Variants in CYTH3 observed in about 807,000 individuals in gnomAD.
The protein encoded by CYTH3 is cytohesin-3.
A neutral mutation model predicts 55.1 loss-of-function variants in CYTH3; 23 were observed. That is an observed-to-expected ratio of 0.42 (90% confidence interval 0.30 to 0.59). The LOEUF (loss-of-function observed/expected upper bound fraction) is 0.59, where lower values mean the gene tolerates loss of function less well. CYTH3 is among the 20% of genes least tolerant of loss of function. CYTH3 has a pLI of 0.20. For missense variants in CYTH3, 413 were observed against 524.8 expected (o/e 0.79, Z 2.08); for synonymous variants, 249 against 194.9 (o/e 1.28, Z -2.31).
At chr7:6,239,490 T>G (rs555078129) in intron 1 of CYTH3, among the ~76,000 whole-genome samples, 5 of 152,102 alleles carry the variant, frequency 3.3e-5, no homozygotes, top group Non-Finnish European at 4.4e-5. Flanking sequence ...AGGGTCCAAG[T>G]GAACATTTTC....
chr7:6,229,794 G>T (rs1276698917), intron 1 of CYTH3, among the ~76,000 whole-genome samples: 2 of 150,680 alleles, frequency 1.3e-5, no homozygotes, highest in African/African-American at 4.9e-5. Context: ...TCCAGCCTGG[G>T]CAACAGAAAG....
rs889959772 is a variant in CYTH3, at chr7:6,227,469, TTAAAC to T, written c.35-36943_35-36939del. On this transcript the variant is annotated intron_variant, in intron 1 of 12. Coordinates refer to ENST00000350796, the MANE Select transcript of CYTH3 (RefSeq NM_004227.4). ...GCCCTTCCTGATTTAAAAAAAATCA[TTAAAC>T]TAAGAATAGAAGATGTCTTAACCTA... Among the ~76,000 whole-genome samples, 7 of 152,220 alleles carry T rather than the reference TTAAAC, an allele frequency of 4.6e-5. No individual in the cohort carries two copies. In the South Asian group the frequency reaches 1.0e-3, roughly 23 times the overall value.
chr7:6,254,401 G>C (rs1488829915), intron 1 of CYTH3, among the ~76,000 whole-genome samples: 1 of 152,236 alleles, frequency 6.6e-6, no homozygotes, highest in African/African-American at 2.4e-5. Flanking sequence ...TTATGTAGGA[G>C]AATGTCCTTA....
chr7:6,259,772 T>TATATAAAATATATATATATAA (rs1491219669), intron 1 of CYTH3, among the ~76,000 whole-genome samples: 1 of 30,496 alleles, frequency 3.3e-5, no homozygotes, highest in South Asian at 1.0e-3. Flanking sequence ...TATATATATA[T>TATATAAAATATATATATATAA]TATATATATA....
At chr7:6,270,316 G>A (rs941619715) in intron 1 of CYTH3, among the ~76,000 whole-genome samples, 1 of 152,176 alleles carries the variant, frequency 6.6e-6, no homozygotes, top group African/African-American at 2.4e-5. Context: ...GAGAAAGCTA[G>A]TCATAAACTA....
chr7:6,259,818 A>AT (rs1411240528), intron 1 of CYTH3, among the ~76,000 whole-genome samples: 2 of 25,880 alleles, frequency 7.7e-5, no homozygotes, highest in African/African-American at 4.2e-4. Context: ...TATATAATAT[A>AT]TATATATATA....
rs572188587 is a variant in CYTH3, at chr7:6,189,381, T to C, written c.117+1068A>G. On this transcript the variant is annotated intron_variant, in intron 2 of 12. Coordinates refer to ENST00000350796, the MANE Select transcript of CYTH3 (RefSeq NM_004227.4). ...CGCAGTACACTGGCACAATCACAGT[T>C]CACTGTAGCCTCAGCTTCTTGGGCT... Among the ~76,000 whole-genome samples the C allele has an allele frequency of 4.2e-3, 646 of 152,250 alleles. 14 individuals carry two copies. Among genetic ancestry groups the C allele is most frequent in the Non-Finnish European group, 2.2e-3 (153 of 68,028 alleles).
chr7:6,177,795 T>G lies in CYTH3; in HGVS notation c.368+28A>C, dbSNP rs369925349. 8.3e-6 allele frequency: 13 copies of G among 1,561,006 alleles called. No homozygotes were observed. In the African/African-American group the frequency reaches 1.4e-4, roughly 16 times the overall value. ...AGCTGCAGGGCTGAGTGGCCCCAGG[T>G]AGGGCTTTGCATCCTCCTCTAACTC... is the stretch of plus-strand genomic sequence containing the variant. On this transcript the variant is annotated intron_variant, in intron 5 of 12. Coordinates refer to ENST00000350796, the MANE Select transcript of CYTH3 (RefSeq NM_004227.4).
At chr7:6,267,703 T>C (rs1780536919) in intron 1 of CYTH3, among the ~76,000 whole-genome samples, 1 of 152,204 alleles carries the variant, frequency 6.6e-6, no homozygotes, top group Non-Finnish European at 1.5e-5. Context: ...TTTGTATTTT[T>C]AGTAGAGACG....
chr7:6,187,607 G>A (rs781462301), intron 3 of CYTH3, 50 bp downstream of exon 3: 6 of 1,504,648 alleles, frequency 4.0e-6, no homozygotes, highest in Non-Finnish European at 5.6e-6. Context: ...ACAGGATGGA[G>A]GTAGAAAGAA....
At chr7:6,227,017 T>A (rs1779272901) in intron 1 of CYTH3, among the ~76,000 whole-genome samples, 1 of 151,340 alleles carries the variant, frequency 6.6e-6, no homozygotes. Flanking sequence ...GAGGCGGAGC[T>A]TGCAGTGAGC....
At chr7:6,194,573 T>G (rs895727958) in intron 1 of CYTH3, among the ~76,000 whole-genome samples, 24 of 152,200 alleles carry the variant, frequency 1.6e-4, no homozygotes, top group African/African-American at 5.8e-4. Context: ...ATCAAAGAAG[T>G]GCATCTGCTA....
At chr7:6,262,224 G>A (rs932096516) in intron 1 of CYTH3, among the ~76,000 whole-genome samples, 1 of 152,186 alleles carries the variant, frequency 6.6e-6, no homozygotes, top group African/African-American at 2.4e-5. Context: ...CATGTTTAAT[G>A]CACAGGTAAT....
intron 1 of CYTH3, among the ~76,000 whole-genome samples, chr7:6,195,732 C>T (rs1478510890): frequency 6.6e-6 from 1 of 152,134 alleles, no homozygotes; most frequent in East Asian, 1.9e-4. Flanking sequence ...ATTAAACCCC[C>T]CAAATAACTA....
intron 1 of CYTH3, among the ~76,000 whole-genome samples, chr7:6,223,708 G>A (rs1375557967): frequency 6.6e-6 from 1 of 151,754 alleles, no homozygotes; most frequent in Non-Finnish European, 1.5e-5. Context: ...AAGGCCGAAG[G>A]GACCTCTGCC....
chr7:6,197,308 T>C (rs1306322964), intron 1 of CYTH3, among the ~76,000 whole-genome samples: 1 of 152,164 alleles, frequency 6.6e-6, no homozygotes, highest in African/African-American at 2.4e-5. Flanking sequence ...TGTAGAGAAA[T>C]GTCTTTATTT....
At chr7:6,230,171 C>T (rs1004531042) in intron 1 of CYTH3, among the ~76,000 whole-genome samples, 1 of 152,060 alleles carries the variant, frequency 6.6e-6, no homozygotes, top group Non-Finnish European at 1.5e-5. Flanking sequence ...TAAAAAAACC[C>T]ATCTCAACTC....
Position 6,170,623 on chromosome 7 carries a change from G to A in CYTH3, c.735C>T (p.Asn245=). 1.9e-6 allele frequency: 3 copies of A among 1,613,972 alleles called. No individual in the cohort carries two copies. The highest frequency in any genetic ancestry group is 1.1e-5 in the South Asian group (1 of 91,070). Residue 245 remains asparagine (N), a synonymous_variant, in exon 9 of 13, where the codon AAC becomes AAT. Coordinates refer to ENST00000350796, the MANE Select transcript of CYTH3 (RefSeq NM_004227.4). The surrounding 1 kb of genome is among the most constrained non-coding windows in gnomAD (Gnocchi z 7.8). Reference sequence around the variant, plus strand: ...CGTCCTCCGGGATCTTAAATGGCTCGTTCTTAATGCTCTCATACAAATTCT... The same window carrying A: ...CGTCCTCCGGGATCTTAAATGGCTCATTCTTAATGCTCTCATACAAATTCT... ...LLRNLYESIK[N]EPFKIPEDDG... is the part of the protein sequence containing the mutation.
At position 6,231,658 on chromosome 7, in the gene CYTH3, T is replaced by C. The variant is rs972035206; in HGVS notation, c.34+40816A>G. On this transcript the variant is annotated intron_variant, in intron 1 of 12. Transcript: ENST00000350796. ...AAACAAATATGAGTCTTTGGCCATATAGTTTACTGCATTCTCTCAATGCTG... is the reference window on the plus strand; with the variant it reads ...AAACAAATATGAGTCTTTGGCCATACAGTTTACTGCATTCTCTCAATGCTG... Among the ~76,000 whole-genome samples the C allele has an allele frequency of 7.2e-5, 11 of 152,364 alleles. No homozygotes were observed. In the South Asian group the frequency reaches 1.2e-3, roughly 17 times the overall value.
Sources: allele counts gnomAD v4.1 joint callset (sites outside exome capture counted in the v4.1 genomes callset), GRCh38; gene constraint gnomAD v4.1.1; non-coding constraint Gnocchi (gnomAD v3.1); transcripts MANE v1.5; gene names NCBI Gene and HGNC (gene_info 2026-07-23, HGNC 2026-07-21).